Variants in PARD3 observed in about 807,000 individuals in gnomAD.
PARD3 encodes the protein partitioning defective 3 homolog.
Under a neutral mutation model 155.4 loss-of-function variants are expected in PARD3, and 75 were observed. The observed-to-expected ratio is 0.48, with a 90% CI of 0.40 to 0.58. PARD3 has a LOEUF of 0.58. PARD3 is among the 20% of genes least tolerant of loss of function. The pLI, the probability that PARD3 is intolerant of heterozygous loss-of-function variation, is 0.00. For missense variants in PARD3, 1,642 were observed against 1,721.7 expected (o/e 0.95, Z 0.82); for synonymous variants, 576 against 610.5 (o/e 0.94, Z 0.83).
chr10:34,401,790 A>G (rs745380936), intron 6 of PARD3, 36 bp downstream of exon 6: 7 of 1,272,740 alleles, frequency 5.5e-6, no homozygotes, highest in Non-Finnish European at 8.1e-6. Context: ...TGCTACATGT[A>G]TACTGCAAAC....
intron 12 of PARD3, among the ~76,000 whole-genome samples, chr10:34,363,726 T>C (rs1405829639): frequency 1.3e-5 from 2 of 152,206 alleles, no homozygotes; most frequent in Admixed American, 6.5e-5. Flanking sequence ...AAAAAATGTC[T>C]TTTCTTTAAC....
chr10:34,305,612 C>A (rs886607638), intron 20 of PARD3, among the ~76,000 whole-genome samples: 2 of 152,204 alleles, frequency 1.3e-5, no homozygotes, highest in African/African-American at 2.4e-5. Flanking sequence ...AGCCTGAAAA[C>A]AGGGAATTTC....
At position 34,516,961 on chromosome 10, in the gene PARD3, G is replaced by A; in HGVS notation, c.403+18C>T. ...TAAATTAAGATGAAATGGAAGAGAAGAAAGAGCTTTCACTTACTTGCTCGA... is the reference window on the plus strand; with the variant it reads ...TAAATTAAGATGAAATGGAAGAGAAAAAAGAGCTTTCACTTACTTGCTCGA... On this transcript the variant is annotated intron_variant, in intron 3 of 24. Coordinates refer to ENST00000374788, the MANE Select transcript of PARD3 (RefSeq NM_001184785.2). 6.2e-7 allele frequency: 1 copy of A among 1,608,746 alleles called. No individual in the cohort carries two copies. The highest frequency in any genetic ancestry group is 8.5e-7 in the Non-Finnish European group (1 of 1,175,566).
intron 3 of PARD3, among the ~76,000 whole-genome samples, chr10:34,504,270 C>T (rs1388935977): frequency 6.6e-6 from 1 of 151,766 alleles, no homozygotes; most frequent in Non-Finnish European, 1.5e-5. Context: ...CTGTGAGCCA[C>T]CAGGTACAGC....
intron 20 of PARD3, among the ~76,000 whole-genome samples, chr10:34,290,621 T>C (rs544439360): frequency 3.3e-5 from 5 of 152,368 alleles, no homozygotes; most frequent in African/African-American, 1.2e-4. Context: ...TTCAGTATTC[T>C]GCCTTGTGTC....
intron 10 of PARD3, among the ~76,000 whole-genome samples, chr10:34,377,471 T>C (rs1253871380): frequency 2.0e-5 from 3 of 152,098 alleles, no homozygotes; most frequent in African/African-American, 7.2e-5. Context: ...ACGCCTGTAG[T>C]CCCAGCTACC....
intron 2 of PARD3, among the ~76,000 whole-genome samples, chr10:34,672,784 T>C (rs1349551809): frequency 1.3e-5 from 2 of 152,340 alleles, no homozygotes; most frequent in East Asian, 3.9e-4. Context: ...TTCTTCAAAA[T>C]AAGCAATGGT....
chr10:34,597,676 A>C (rs904370885), intron 2 of PARD3, among the ~76,000 whole-genome samples: 2 of 152,090 alleles, frequency 1.3e-5, no homozygotes, highest in African/African-American at 4.8e-5. Context: ...GAATTATCCT[A>C]ATTTTCTGTG....
At chr10:34,729,353 A>C (rs2094775543) in intron 1 of PARD3, among the ~76,000 whole-genome samples, 1 of 151,938 alleles carries the variant, frequency 6.6e-6, no homozygotes, top group Admixed American at 6.6e-5. Context: ...CAACACAGTG[A>C]AACCCCGTCT....
chr10:34,453,568 T>G (rs943198064), intron 4 of PARD3, among the ~76,000 whole-genome samples: 1 of 152,224 alleles, frequency 6.6e-6, no homozygotes, highest in Non-Finnish European at 1.5e-5. Flanking sequence ...GTTTTAAAAA[T>G]TGTTTAGGGA....
At chr10:34,624,427 T>C (rs1474771851) in intron 2 of PARD3, among the ~76,000 whole-genome samples, 1 of 152,208 alleles carries the variant, frequency 6.6e-6, no homozygotes, top group Admixed American at 6.5e-5. Context: ...CAAATCGATT[T>C]CTGCTCAAAG....
chr10:34,699,688 G>A lies in PARD3; in HGVS notation c.121-3269C>T, dbSNP rs190807163. On this transcript the variant is annotated intron_variant, in intron 1 of 24. Transcript: ENST00000374788. ...TGAGCAAAAAATTGTGATAAGGTCC[G>A]GCATGATGGCTCATCCCTGTAATCC... 2.0e-3 allele frequency among the ~76,000 whole-genome samples: 298 copies of A among 152,244 alleles called. 1 individual carries two copies. The highest frequency in any genetic ancestry group is 6.5e-3 in the African/African-American group (272 of 41,538).
chr10:34,470,366 C>A, intron 3 of PARD3, 103 bp from the exon 4 acceptor site: 1 of 885,408 alleles, frequency 1.1e-6, no homozygotes, highest in East Asian at 2.8e-5. Context: ...AACAGAATTA[C>A]ACTTTTGTAA....
intron 3 of PARD3, among the ~76,000 whole-genome samples, chr10:34,499,144 T>C (rs2080498139): frequency 6.7e-6 from 1 of 149,184 alleles, no homozygotes; most frequent in Non-Finnish European, 1.5e-5. Flanking sequence ...GTACATGTTC[T>C]TTTTTTTTTA....
intron 22 of PARD3, among the ~76,000 whole-genome samples, chr10:34,171,219 G>C (rs1949773248): frequency 6.6e-6 from 1 of 152,206 alleles, no homozygotes; most frequent in Non-Finnish European, 1.5e-5. Flanking sequence ...AAGGCAAAAA[G>C]AAGGTTAACG....
At chr10:34,219,529 T>G (rs1432518342) in intron 22 of PARD3, among the ~76,000 whole-genome samples, 1 of 152,200 alleles carries the variant, frequency 6.6e-6, no homozygotes, top group African/African-American at 2.4e-5. Flanking sequence ...TAGTAGAATG[T>G]TCAACAGGGA....
chr10:34,200,272 C>T (rs1036260395), intron 22 of PARD3, among the ~76,000 whole-genome samples: 5 of 152,030 alleles, frequency 3.3e-5, no homozygotes, highest in African/African-American at 1.2e-4. Flanking sequence ...TAATTAGAGG[C>T]AGTTAGAGCA....
chr10:34,188,877 C>T (rs911186212), intron 22 of PARD3, among the ~76,000 whole-genome samples: 8 of 152,098 alleles, frequency 5.3e-5, no homozygotes, highest in African/African-American at 1.9e-4. Context: ...TCTCCCCCCA[C>T]ACCCTTCCCA....
chr10:34,635,580 A>C (rs577761117), intron 2 of PARD3, among the ~76,000 whole-genome samples: 1 of 152,230 alleles, frequency 6.6e-6, no homozygotes, highest in African/African-American at 2.4e-5. Flanking sequence ...TTATATGCCT[A>C]TGACTCTGAA....
Sources: gnomAD v4.1 joint callset for allele counts (sites outside exome capture counted in the v4.1 genomes callset) on GRCh38, gnomAD v4.1.1 for gene constraint, MANE v1.5 for transcripts, NCBI Gene and HGNC (gene_info 2026-07-23, HGNC 2026-07-21) for gene names.